NAALADL2: variants seen among roughly 807,000 people sequenced by gnomAD.
NAALADL2 encodes the protein N-acetylated alpha-linked acidic dipeptidase like 2.
A neutral mutation model predicts 87.2 loss-of-function variants in NAALADL2; 76 were observed. That is an observed-to-expected ratio of 0.87 (90% CI 0.72 to 1.05). The LOEUF is 1.05. Among genes scored for constraint, NAALADL2 ranks in the 50% least tolerant of loss-of-function variants. The probability of loss-of-function intolerance (pLI) is 0.00; values close to 1 mark genes in which losing one functional copy is unlikely to be tolerated. For synonymous variants in NAALADL2, 354 were observed against 331.0 expected (o/e 1.07, Z -0.75); for missense variants, 1,089 against 945.8 (o/e 1.15, Z -1.99).
chr3:175,151,478 G>T lies in NAALADL2; in HGVS notation c.545+54187G>T, dbSNP rs551637901. 1.9e-3 allele frequency among the ~76,000 whole-genome samples: 293 copies of T among 152,220 alleles called. 1 individual carries two copies. The highest frequency in any genetic ancestry group is 6.8e-3 in the African/African-American group (282 of 41,540). ...CATCTGATTTATTATCGTATAAACT[G>T]GGAATTGTCTTTTAATTCATAGCAA... On this transcript the variant is annotated intron_variant, in intron 2 of 13. Coordinates refer to ENST00000454872, the MANE Select transcript of NAALADL2 (RefSeq NM_207015.3).
At chr3:175,459,543 A>G (rs1722798652) in intron 6 of NAALADL2, among the ~76,000 whole-genome samples, 1 of 151,492 alleles carries the variant, frequency 6.6e-6, no homozygotes, top group African/African-American at 2.4e-5. Flanking sequence ...AGTAATAATA[A>G]TTTTTCCAGA....
At chr3:175,415,868 A>G (rs963301227) in intron 5 of NAALADL2, among the ~76,000 whole-genome samples, 1 of 151,446 alleles carries the variant, frequency 6.6e-6, no homozygotes, top group Non-Finnish European at 1.5e-5. Flanking sequence ...AATTCCAGCA[A>G]TTTGGGAAGC....
chr3:174,586,833 ATTTT>A (rs201328465), intron 2 of NAALADL2, among the ~76,000 whole-genome samples: 2 of 150,498 alleles, frequency 1.3e-5, no homozygotes, highest in Non-Finnish European at 3.0e-5. Context: ...ACTTTCAGAG[ATTTT>A]TTTTTTATTA....
intron 3 of NAALADL2, among the ~76,000 whole-genome samples, chr3:174,794,983 T>C (rs1717912889): frequency 1.9e-5 from 2 of 107,530 alleles, no homozygotes; most frequent in African/African-American, 3.9e-5. Flanking sequence ...TAGTCCAGCT[T>C]TTTTTTTTTT....
chr3:175,717,222 G>A (rs1183604307), intron 11 of NAALADL2, among the ~76,000 whole-genome samples: 1 of 152,120 alleles, frequency 6.6e-6, no homozygotes, highest in Admixed American at 6.6e-5. Flanking sequence ...ACAGGTGTGA[G>A]GCATGGCGCA....
chr3:175,357,396 A>G (rs1209436552), intron 5 of NAALADL2, among the ~76,000 whole-genome samples: 1 of 152,198 alleles, frequency 6.6e-6, no homozygotes, highest in Non-Finnish European at 1.5e-5. Flanking sequence ...TTCTGCCAAC[A>G]TTCTTAGTAC....
chr3:174,707,539 T>C (rs1357132047), intron 2 of NAALADL2, among the ~76,000 whole-genome samples: 1 of 150,618 alleles, frequency 6.6e-6, no homozygotes, highest in Non-Finnish European at 1.5e-5. Context: ...AGCAAACTAT[T>C]GCAAGGACAG....
intron 2 of NAALADL2, among the ~76,000 whole-genome samples, chr3:174,647,035 T>C (rs1723865543): frequency 6.6e-6 from 1 of 152,134 alleles, no homozygotes; most frequent in Non-Finnish European, 1.5e-5. Context: ...CAATTTTGTT[T>C]AGAAATATAA....
intron 2 of NAALADL2, among the ~76,000 whole-genome samples, chr3:174,723,721 A>C (rs1376861048): frequency 1.5e-5 from 2 of 129,294 alleles, no homozygotes; most frequent in East Asian, 5.0e-4. Context: ...GCGCCACTGC[A>C]CTCCAGCCTG....
intron 2 of NAALADL2, among the ~76,000 whole-genome samples, chr3:174,638,050 C>A (rs1722818273): frequency 6.6e-6 from 1 of 152,052 alleles, no homozygotes; most frequent in Non-Finnish European, 1.5e-5. Context: ...CAAATAATAT[C>A]ATAGTAATAG....
chr3:175,089,650 A>T (rs1488014623), intron 1 of NAALADL2, among the ~76,000 whole-genome samples: 1 of 152,224 alleles, frequency 6.6e-6, no homozygotes, highest in Non-Finnish European at 1.5e-5. Context: ...CACTCTGTAC[A>T]TCAAAATCTA....
intron 1 of NAALADL2, among the ~76,000 whole-genome samples, chr3:174,905,588 T>A (rs192608887): frequency 3.3e-5 from 5 of 152,048 alleles, no homozygotes; most frequent in Non-Finnish European, 7.4e-5. Flanking sequence ...AACTCAAATA[T>A]GTAATTCTGT....
chr3:175,286,593 T>C (rs991640309), intron 4 of NAALADL2, among the ~76,000 whole-genome samples: 3 of 152,182 alleles, frequency 2.0e-5, no homozygotes, highest in Non-Finnish European at 4.4e-5. Flanking sequence ...ATAATACCTA[T>C]GGATCGACTT....
chr3:175,434,185 A>T (rs900151707), intron 5 of NAALADL2, among the ~76,000 whole-genome samples: 1 of 152,014 alleles, frequency 6.6e-6, no homozygotes, highest in African/African-American at 2.4e-5. Flanking sequence ...TCAAATTTAG[A>T]TGTATGCATG....
chr3:174,972,561 C>G (rs2057680657), intron 1 of NAALADL2, among the ~76,000 whole-genome samples: 1 of 152,086 alleles, frequency 6.6e-6, no homozygotes, highest in African/African-American at 2.4e-5. Flanking sequence ...CCCTTATGAT[C>G]TTATTTATCC....
intron 2 of NAALADL2, among the ~76,000 whole-genome samples, chr3:174,668,665 T>G (rs600316): frequency 6.6e-6 from 1 of 151,892 alleles, no homozygotes; most frequent in Non-Finnish European, 1.5e-5. Context: ...AGTGAGAACA[T>G]GCAGTGTTTG....
chr3:174,979,898 A>C (rs1560436473), intron 1 of NAALADL2, among the ~76,000 whole-genome samples: 1 of 152,046 alleles, frequency 6.6e-6, no homozygotes, highest in South Asian at 2.1e-4. Context: ...CCTGATGAAA[A>C]TCTTTCAATG....
At chr3:175,671,270 A>G (rs938512781) in intron 11 of NAALADL2, among the ~76,000 whole-genome samples, 1 of 151,930 alleles carries the variant, frequency 6.6e-6, no homozygotes, top group Non-Finnish European at 1.5e-5. Flanking sequence ...AATAACCTCT[A>G]AACTATTTTG....
intron 1 of NAALADL2, among the ~76,000 whole-genome samples, chr3:174,881,436 A>T (rs1729180808): frequency 6.6e-6 from 1 of 152,160 alleles, no homozygotes; most frequent in Non-Finnish European, 1.5e-5. Context: ...CCATAATCAA[A>T]TTTACTCACG....
Sources: allele counts gnomAD v4.1 joint callset (sites outside exome capture counted in the v4.1 genomes callset), GRCh38; gene constraint gnomAD v4.1.1; transcripts MANE v1.5; gene names NCBI Gene and HGNC (gene_info 2026-07-23, HGNC 2026-07-21).